The following DST variants were observed in gnomAD, a reference collection of about 807,000 sequenced individuals.
The protein encoded by DST is bullous pemphigoid antigen.
In DST, 253 loss-of-function variants were observed where a neutral mutation model predicts 875.2. That is an observed-to-expected ratio of 0.29 (90% CI 0.26 to 0.32). The LOEUF is 0.32. Ranked by LOEUF, DST falls within the 10% of genes least tolerant of loss-of-function variation. The pLI, the probability that DST is intolerant of heterozygous loss-of-function variation, is 1.00. For synonymous variants in DST, 3,124 were observed against 3,197.1 expected (o/e 0.98, Z 0.77); for missense variants, 8,287 against 9,111.6 (o/e 0.91, Z 3.68).
At position 56,526,492 on chromosome 6, in the gene DST, G is replaced by A; in HGVS notation, c.17998C>T (p.Leu6000=). The A allele has an allele frequency of 6.2e-7, 1 of 1,613,850 alleles. No homozygotes were observed. The highest frequency in any genetic ancestry group is 8.5e-7 in the Non-Finnish European group (1 of 1,179,806). The change falls in exon 69 of 104, where the codon CTG becomes TTG. Residue 6000 remains leucine, a synonymous_variant. Transcript: ENST00000680361. ...LNEVSSALLE[L]VPWRAREGLE... ...CCTTCTCTTGCCCTCCATGGTACCA[G>A]TTCCAGCAAAGCACTGCTCACTTCA...
At chr6:56,946,437 T>C (rs963730458) in intron 2 of DST, among the ~76,000 whole-genome samples, 1 of 151,790 alleles carries the variant, frequency 6.6e-6, no homozygotes, top group Non-Finnish European at 1.5e-5. Flanking sequence ...AAGAGAAGAG[T>C]TGGTGACATA....
intron 35 of DST, 136 bp downstream of exon 35, chr6:56,625,021 T>A (rs2098721160): frequency 1.4e-6 from 1 of 710,594 alleles, no homozygotes; most frequent in Admixed American, 2.1e-5. Context: ...TGCAATGTCA[T>A]TAAACTGTAC....
intron 2 of DST, among the ~76,000 whole-genome samples, chr6:56,911,088 T>C (rs1018716119): frequency 2.0e-5 from 3 of 152,182 alleles, no homozygotes; most frequent in African/African-American, 7.2e-5. Flanking sequence ...CCTCCAGTTA[T>C]GGTTGCTGGT....
chr6:56,661,233 A>G (rs187564457), intron 10 of DST, among the ~76,000 whole-genome samples: 1 of 152,338 alleles, frequency 6.6e-6, no homozygotes, highest in Non-Finnish European at 1.5e-5. Flanking sequence ...TAAGATGATA[A>G]TGTGAATAAT....
Position 56,470,506 on chromosome 6 carries a change from T to C in DST, c.22322-224A>G, listed in dbSNP as rs11963288. On this transcript the variant is annotated intron_variant, in intron 95 of 103. Transcript: ENST00000680361. ...GGTGAATCATATAAAATGCTGTTTT[T>C]TTAGGTTGAAAATGTTTAACACTGG... Among the ~76,000 whole-genome samples the C allele has an allele frequency of 0.04, 6,151 of 152,264 alleles. 155 individuals are homozygous for C. Among genetic ancestry groups the C allele is most frequent in the African/African-American group, 0.06 (2,502 of 41,550 alleles).
chr6:56,671,630 C>T (rs1039016238), intron 9 of DST, among the ~76,000 whole-genome samples: 14 of 152,160 alleles, frequency 9.2e-5, no homozygotes, highest in Admixed American at 2.0e-4. Flanking sequence ...ACTTAATCTG[C>T]TGATAATTAT....
chr6:56,461,623 C>T (rs902933575), intron 102 of DST: 5 of 152,246 alleles, frequency 3.3e-5, no homozygotes, highest in East Asian at 3.9e-4. Context: ...TGTTTCATCA[C>T]GTTATTTGAA....
intron 3 of DST, among the ~76,000 whole-genome samples, chr6:56,881,025 T>A (rs1377979626): frequency 5.9e-5 from 9 of 151,350 alleles, no homozygotes; most frequent in Non-Finnish European, 8.8e-5. Flanking sequence ...TTTTTTGTAT[T>A]TTTTTAGTAG....
chr6:56,563,573 A>T (rs1017724064), intron 55 of DST, among the ~76,000 whole-genome samples: 1 of 152,068 alleles, frequency 6.6e-6, no homozygotes, highest in African/African-American at 2.4e-5. Flanking sequence ...GCTGTGCAGA[A>T]GCTCTTTAAT....
intron 3 of DST, among the ~76,000 whole-genome samples, chr6:56,880,480 G>T (rs971208191): frequency 6.6e-6 from 1 of 152,134 alleles, no homozygotes. Context: ...TTGAGGTCAG[G>T]AGTTCGAGAC....
intron 10 of DST, among the ~76,000 whole-genome samples, chr6:56,657,429 A>G (rs552562416): frequency 6.6e-6 from 1 of 151,950 alleles, no homozygotes; most frequent in Non-Finnish European, 1.5e-5. Flanking sequence ...GGTCACATAT[A>G]TTTTTTTTAA....
chr6:56,596,005 TC>T (rs767079909), intron 47 of DST, among the ~76,000 whole-genome samples: 47,097 of 146,866 alleles, frequency 0.32, 8,103 homozygotes, highest in Admixed American at 0.4. Context: ...GGACTTTCTT[TC>T]TTTTATTTAT....
At chr6:56,836,898 A>T (rs1283316684) in intron 4 of DST, among the ~76,000 whole-genome samples, 1 of 151,658 alleles carries the variant, frequency 6.6e-6, no homozygotes, top group Non-Finnish European at 1.5e-5. Context: ...AGAAAAAATT[A>T]AGATTTTTGA....
intron 82 of DST, among the ~76,000 whole-genome samples, chr6:56,496,762 CCCAAATGT>C (rs2095922496): frequency 6.6e-6 from 1 of 152,050 alleles, no homozygotes; most frequent in Non-Finnish European, 1.5e-5. Flanking sequence ...TTGGAACCAA[CCCAAATGT>C]CCAACAATGA....
chr6:56,572,924 T>C lies in DST; in HGVS notation c.13377A>G (p.Ser4459=), dbSNP rs1204497649. ...AKMKDLSARF[S]EASHKHKETL... ...TTTCTTTGTGTTTATGACTTGCTTCTGAAAACCGAGCAGACAAGTCTTTCA... is the reference window on the plus strand; with the variant it reads ...TTTCTTTGTGTTTATGACTTGCTTCCGAAAACCGAGCAGACAAGTCTTTCA... Residue 4459 remains serine, a synonymous_variant, in exon 52 of 104, where the codon TCA becomes TCG. Coordinates refer to ENST00000680361, the MANE Select transcript of DST (RefSeq NM_001374736.1). 1.2e-6 allele frequency: 2 copies of C among 1,613,238 alleles called. No individual in the cohort carries two copies.
intron 75 of DST, 134 bp downstream of exon 75, chr6:56,508,395 T>C (rs1300365795): frequency 1.4e-6 from 1 of 717,670 alleles, no homozygotes; most frequent in Non-Finnish European, 2.4e-6. Context: ...TATCTCCTAC[T>C]GTATCACTGC....
At chr6:56,879,180 T>C (rs1369843169) in intron 3 of DST, among the ~76,000 whole-genome samples, 1 of 152,166 alleles carries the variant, frequency 6.6e-6, no homozygotes, top group Non-Finnish European at 1.5e-5. Flanking sequence ...TTTATCTTAA[T>C]AGTTCCGGCC....
intron 4 of DST, among the ~76,000 whole-genome samples, chr6:56,768,670 C>T (rs972976447): frequency 3.3e-5 from 5 of 151,988 alleles, no homozygotes; most frequent in Non-Finnish European, 7.4e-5. Flanking sequence ...ACATCATGAT[C>T]CATAAAAGAA....
chr6:56,887,174 G>T (rs1785029346), intron 3 of DST, among the ~76,000 whole-genome samples: 1 of 152,196 alleles, frequency 6.6e-6, no homozygotes, highest in African/African-American at 2.4e-5. Context: ...TACTGAAGCA[G>T]AGAGGAATCT....
Sources: gnomAD v4.1 joint callset for allele counts (sites outside exome capture counted in the v4.1 genomes callset) on GRCh38, gnomAD v4.1.1 for gene constraint, MANE v1.5 for transcripts, NCBI Gene and HGNC (gene_info 2026-07-23, HGNC 2026-07-21) for gene names.